CADM2: variants seen among roughly 807,000 people sequenced by gnomAD.
CADM2 encodes the protein immunoglobulin superfamily member 4D.
A neutral mutation model predicts 49.8 loss-of-function variants in CADM2; 12 were observed. That is an observed-to-expected ratio of 0.24 (90% CI 0.15 to 0.39). The LOEUF is 0.39. CADM2 is among the 10% of genes least tolerant of loss of function. The pLI, the probability that CADM2 is intolerant of heterozygous loss-of-function variation, is 1.00. For missense variants in CADM2, 378 were observed against 492.3 expected, an observed-to-expected ratio of 0.77 and a Z score of 2.20; for synonymous variants, 214 against 175.4, an observed-to-expected ratio of 1.22 and a Z score of -1.74.
intron 1 of CADM2, among the ~76,000 whole-genome samples, chr3:85,141,931 G>C (rs1344819369): frequency 1.3e-5 from 2 of 152,128 alleles, no homozygotes; most frequent in Non-Finnish European, 2.9e-5. Flanking sequence ...GTCTAATATG[G>C]GTTGGAAAAG....
intron 1 of CADM2, among the ~76,000 whole-genome samples, chr3:85,080,845 C>T (rs1237247782): frequency 6.6e-6 from 1 of 151,662 alleles, no homozygotes; most frequent in Non-Finnish European, 1.5e-5. Flanking sequence ...TATTTTGAAA[C>T]AACATTTATG....
At chr3:85,918,129 A>T (rs969208460) in intron 6 of CADM2, among the ~76,000 whole-genome samples, 18 of 152,128 alleles carry the variant, frequency 1.2e-4, no homozygotes, top group Admixed American at 1.0e-3. Flanking sequence ...TCTTTTCCTA[A>T]TTGAATGCCC....
chr3:85,754,401 A>G (rs2069006567), intron 2 of CADM2, among the ~76,000 whole-genome samples: 1 of 152,250 alleles, frequency 6.6e-6, no homozygotes, highest in Admixed American at 6.5e-5. Context: ...ATGTCTAACT[A>G]GCTACCTACT....
intron 1 of CADM2, among the ~76,000 whole-genome samples, chr3:85,343,404 C>T (rs1299350773): frequency 6.6e-6 from 1 of 152,118 alleles, no homozygotes; most frequent in Non-Finnish European, 1.5e-5. Context: ...GCTTAACTCC[C>T]ATTCTAGAGT....
At chr3:85,259,498 G>T (rs897203309) in intron 1 of CADM2, among the ~76,000 whole-genome samples, 43 of 152,026 alleles carry the variant, frequency 2.8e-4, no homozygotes, top group African/African-American at 1.0e-3. Context: ...TTCTGTAAAG[G>T]AGGTATTGAA....
chr3:84,972,615 G>A (rs1184812137), intron 1 of CADM2, among the ~76,000 whole-genome samples: 4 of 152,108 alleles, frequency 2.6e-5, no homozygotes, highest in Non-Finnish European at 4.4e-5. Flanking sequence ...GACTGGATAA[G>A]GTTTTTCAAT....
At chr3:85,719,119 G>T (rs978523294) in intron 1 of CADM2, among the ~76,000 whole-genome samples, 1 of 151,882 alleles carries the variant, frequency 6.6e-6, no homozygotes, top group Non-Finnish European at 1.5e-5. Flanking sequence ...CACCATATTG[G>T]TCAGGGTGGA....
chr3:85,222,618 G>A (rs2042068386), intron 1 of CADM2, among the ~76,000 whole-genome samples: 1 of 152,014 alleles, frequency 6.6e-6, no homozygotes, highest in Admixed American at 6.6e-5. Context: ...ACTTTTTGGA[G>A]GACTTGGAAT....
chr3:85,315,493 G>T (rs1477971097), intron 1 of CADM2, among the ~76,000 whole-genome samples: 6 of 152,154 alleles, frequency 3.9e-5, no homozygotes, highest in Admixed American at 1.3e-4. Context: ...AAAGTATATG[G>T]TTTAAGCATA....
intron 1 of CADM2, among the ~76,000 whole-genome samples, chr3:85,199,657 T>G (rs2107742539): frequency 6.6e-6 from 1 of 152,086 alleles, no homozygotes; most frequent in Non-Finnish European, 1.5e-5. Context: ...ATTGAACCAC[T>G]AAGTGTTTTC....
At chr3:85,620,726 T>C (rs549915423) in intron 1 of CADM2, among the ~76,000 whole-genome samples, 43 of 152,236 alleles carry the variant, frequency 2.8e-4, no homozygotes, top group African/African-American at 1.0e-3. Context: ...TTATCTGATA[T>C]GTGACACAAA....
At chr3:85,860,298 A>G (rs1480899738) in intron 3 of CADM2, among the ~76,000 whole-genome samples, 4 of 152,194 alleles carry the variant, frequency 2.6e-5, no homozygotes, top group East Asian at 1.9e-4. Flanking sequence ...AAAATCCTGT[A>G]TTACATGGAG....
intron 1 of CADM2, among the ~76,000 whole-genome samples, chr3:85,721,003 G>A (rs1187721000): frequency 5.3e-5 from 8 of 152,062 alleles, no homozygotes; most frequent in East Asian, 1.9e-4. Flanking sequence ...ACATTTCGAC[G>A]CAGTAGATTT....
At chr3:85,879,436 G>A (rs575472282) in intron 3 of CADM2, among the ~76,000 whole-genome samples, 18 of 152,134 alleles carry the variant, frequency 1.2e-4, no homozygotes, top group Admixed American at 5.9e-4. Context: ...GTGTATGGGA[G>A]GGTGATTTTT....
chr3:85,420,646 G>A (rs1032626588), intron 1 of CADM2, among the ~76,000 whole-genome samples: 1 of 152,006 alleles, frequency 6.6e-6, no homozygotes, highest in Non-Finnish European at 1.5e-5. Flanking sequence ...TATTAAAAAC[G>A]TGAAACAGAA....
chr3:84,981,847 C>T (rs2032200193), intron 1 of CADM2, among the ~76,000 whole-genome samples: 1 of 152,140 alleles, frequency 6.6e-6, no homozygotes, highest in African/African-American at 2.4e-5. Context: ...AATTGTGCCA[C>T]TGAAGTGGGA....
intron 1 of CADM2, among the ~76,000 whole-genome samples, chr3:85,646,798 T>C (rs1474484139): frequency 6.6e-6 from 1 of 151,880 alleles, no homozygotes; most frequent in East Asian, 1.9e-4. Flanking sequence ...AATATTATAA[T>C]ATATTTTTAT....
At chr3:85,029,996 C>T (rs2034906539) in intron 1 of CADM2, among the ~76,000 whole-genome samples, 1 of 152,210 alleles carries the variant, frequency 6.6e-6, no homozygotes, top group Admixed American at 6.5e-5. Context: ...CAATAAACCG[C>T]AGATGTCAAA....
chr3:85,636,519 G>A (rs1429578557), intron 1 of CADM2, among the ~76,000 whole-genome samples: 12 of 151,974 alleles, frequency 7.9e-5, no homozygotes. Context: ...TATTTTTAAA[G>A]ATAGAAAATT....
Sources: gnomAD v4.1 joint callset for allele counts (sites outside exome capture counted in the v4.1 genomes callset) on GRCh38, gnomAD v4.1.1 for gene constraint, MANE v1.5 for transcripts, NCBI Gene and HGNC (gene_info 2026-07-23, HGNC 2026-07-21) for gene names.